Variants in ARL15 observed in about 807,000 individuals in gnomAD.
ARL15 encodes ADP-ribosylation factor-like protein 15.
ARL15 carries 19 observed loss-of-function variants against 25.2 expected under a neutral mutation model. That is an observed-to-expected ratio of 0.75 (90% CI 0.53 to 1.10). ARL15 has a LOEUF of 1.10. ARL15 is among the 50% of genes least tolerant of loss of function. The pLI is 0.00. For missense variants in ARL15, 220 were observed against 246.0 expected (o/e 0.89, Z 0.71); for synonymous variants, 94 against 86.8 (o/e 1.08, Z -0.46).
chr5:54,029,731 C>T (rs1404252529), intron 4 of ARL15, among the ~76,000 whole-genome samples: 2 of 152,046 alleles, frequency 1.3e-5, no homozygotes, highest in Non-Finnish European at 2.9e-5. Flanking sequence ...CGGTGGCTCA[C>T]GCCTGTAATC....
chr5:54,043,228 C>T (rs1579730957), intron 4 of ARL15, among the ~76,000 whole-genome samples: 1 of 151,528 alleles, frequency 6.6e-6, no homozygotes, highest in Non-Finnish European at 1.5e-5. Flanking sequence ...GTACTTTATA[C>T]ATTAAAAATA....
intron 4 of ARL15, among the ~76,000 whole-genome samples, chr5:54,108,441 A>G (rs568737312): frequency 1.3e-5 from 2 of 152,294 alleles, no homozygotes; most frequent in South Asian, 2.1e-4. Context: ...GCAGGTCAAG[A>G]TACTTGGAAA....
chr5:54,002,585 A>T (rs943950313), intron 4 of ARL15, among the ~76,000 whole-genome samples: 7 of 152,244 alleles, frequency 4.6e-5, no homozygotes, highest in Non-Finnish European at 8.8e-5. Flanking sequence ...CACTGTGACT[A>T]AACCTAGCGC....
intron 3 of ARL15, among the ~76,000 whole-genome samples, chr5:54,135,158 T>TA (rs146037941): frequency 0.016 from 2,385 of 147,950 alleles, 51 homozygotes; most frequent in African/African-American, 0.054. Flanking sequence ...GTACTTGGAA[T>TA]AAAAAAAAAA....
At chr5:54,046,203 G>A (rs960384479) in intron 4 of ARL15, among the ~76,000 whole-genome samples, 4 of 152,198 alleles carry the variant, frequency 2.6e-5, no homozygotes, top group Non-Finnish European at 5.9e-5. Flanking sequence ...AGAATGGGCT[G>A]GGCGTGGTGG....
chr5:54,241,748 A>C (rs970847378), intron 1 of ARL15, among the ~76,000 whole-genome samples: 1 of 152,216 alleles, frequency 6.6e-6, no homozygotes, highest in African/African-American at 2.4e-5. Context: ...AGGTTTAAAA[A>C]ACATGAGCAC....
chr5:53,968,742 C>T (rs966323609), intron 4 of ARL15, among the ~76,000 whole-genome samples: 1 of 151,822 alleles, frequency 6.6e-6, no homozygotes, highest in East Asian at 2.0e-4. Context: ...AACTATTGAC[C>T]TTGTGATCCA....
chr5:53,969,656 T>C lies in ARL15; in HGVS notation c.463-82943A>G, dbSNP rs142457033. Among the ~76,000 whole-genome samples the C allele has an allele frequency of 5.3e-3, 805 of 152,308 alleles. 6 individuals carry two copies. The highest frequency in any genetic ancestry group is 0.019 in the African/African-American group (789 of 41,568). ...ATGCTTAATATTTTTAAAAAATCTA[T>C]TTCTGCTTTATGATCTCAACAAAAC... On this transcript the variant is annotated intron_variant, in intron 4 of 4. Transcript: ENST00000504924.
intron 2 of ARL15, among the ~76,000 whole-genome samples, chr5:54,155,151 A>G (rs909198700): frequency 6.6e-6 from 1 of 152,136 alleles, no homozygotes; most frequent in African/African-American, 2.4e-5. Context: ...CAAAAAACAT[A>G]GTTGTGTATT....
intron 4 of ARL15, among the ~76,000 whole-genome samples, chr5:53,904,087 G>C (rs1425141933): frequency 6.6e-6 from 1 of 152,164 alleles, no homozygotes; most frequent in African/African-American, 2.4e-5. Context: ...CCATAGATAA[G>C]GACAAATCTA....
chr5:53,887,415 G>A, intron 4 of ARL15: 1 of 698,968 alleles, frequency 1.4e-6, no homozygotes, highest in Non-Finnish European at 2.6e-6. Context: ...CTTATAATAG[G>A]TATGTGCTGA....
At chr5:54,133,452 C>T (rs1465105070) in intron 3 of ARL15, among the ~76,000 whole-genome samples, 1 of 152,104 alleles carries the variant, frequency 6.6e-6, no homozygotes, top group Non-Finnish European at 1.5e-5. Context: ...CAGTACCCCA[C>T]ACAAGTATTA....
chr5:54,310,533 T>C lies in ARL15; in HGVS notation c.-54A>G. 1.3e-6 allele frequency: 2 copies of C among 1,551,570 alleles called. No homozygotes were observed. The highest frequency in any genetic ancestry group is 1.4e-5 in the African/African-American group (1 of 72,304). ...CCGAACCCGGAAAAAAAAAGCAGCG[T>C]CTCTGGCTGCGAGCGAGCAGCTCCT... is the stretch of plus-strand genomic sequence containing the variant. On this transcript the variant is annotated 5_prime_UTR_variant, in exon 1 of 5. Transcript: ENST00000504924.
chr5:54,271,391 T>C (rs1027431432), intron 1 of ARL15, among the ~76,000 whole-genome samples: 4 of 152,224 alleles, frequency 2.6e-5, no homozygotes, highest in Admixed American at 6.5e-5. Context: ...GCATATAACC[T>C]ATGCACATCC....
chr5:54,279,243 C>T (rs13183117), intron 1 of ARL15, among the ~76,000 whole-genome samples: 97,658 of 150,952 alleles, frequency 0.65, 32,871 homozygotes, highest in Non-Finnish European at 0.75. Context: ...ATGTTATCTG[C>T]AATTTACAAG....
intron 1 of ARL15, among the ~76,000 whole-genome samples, chr5:54,222,574 C>T (rs1453002204): frequency 6.6e-6 from 1 of 152,152 alleles, no homozygotes; most frequent in Admixed American, 6.5e-5. Context: ...GTAAAATCAT[C>T]ACCTTAAATG....
chr5:54,254,809 T>C (rs138973933), intron 1 of ARL15, among the ~76,000 whole-genome samples: 2 of 152,250 alleles, frequency 1.3e-5, no homozygotes, highest in Non-Finnish European at 2.9e-5. Context: ...ACAAAATTGT[T>C]TACCTAAAGT....
intron 4 of ARL15, among the ~76,000 whole-genome samples, chr5:53,901,630 T>C (rs532005389): frequency 7.5e-6 from 1 of 133,428 alleles, no homozygotes; most frequent in African/African-American, 2.8e-5. Context: ...TTTTTTAAAC[T>C]TAATACCCAT....
chr5:53,972,612 T>C (rs1241473507), intron 4 of ARL15, among the ~76,000 whole-genome samples: 1 of 152,182 alleles, frequency 6.6e-6, no homozygotes, highest in Non-Finnish European at 1.5e-5. Flanking sequence ...GTTTCACATG[T>C]GTCCAAACTA....
Sources: gnomAD v4.1 joint callset for allele counts (sites outside exome capture counted in the v4.1 genomes callset) on GRCh38, gnomAD v4.1.1 for gene constraint, MANE v1.5 for transcripts, NCBI Gene and HGNC (gene_info 2026-07-23, HGNC 2026-07-21) for gene names.